PPA2: variants seen among roughly 807,000 people sequenced by gnomAD.
PPA2 encodes the protein inorganic pyrophosphatase 2, mitochondrial.
Under a neutral mutation model 49.5 loss-of-function variants are expected in PPA2, and 48 were observed. That is an observed-to-expected ratio of 0.97 (90% CI 0.77 to 1.23). PPA2 has a LOEUF of 1.23. PPA2 is among the 50% of genes most tolerant of loss of function. The probability of loss-of-function intolerance (pLI) is 0.00; values close to 1 mark genes in which losing one functional copy is unlikely to be tolerated. For synonymous variants in PPA2, 131 were observed against 139.9 expected (o/e 0.94, Z 0.45); for missense variants, 429 against 410.1 (o/e 1.05, Z -0.40).
rs569409289 is a variant in PPA2 at position 105,461,609 on chromosome 4, C to T, written c.158-4864G>A. Among the ~76,000 whole-genome samples the T allele has an allele frequency of 3.3e-5, 5 of 152,296 alleles. No individual in the cohort carries two copies. The East Asian group carries it at 9.6e-4, about 29-fold the overall frequency. On this transcript the variant is annotated intron_variant, in intron 1 of 11. Coordinates refer to ENST00000341695, the MANE Select transcript of PPA2 (RefSeq NM_176869.3). ...TCCCCATTCCAGTCGTGGCCAAGAA[C>T]TCAGTTTTCAAGGTTTCTCTAGGGT...
intron 1 of PPA2, 78 bp from the exon 2 acceptor site, chr4:105,456,823 C>A: frequency 8.2e-6 from 9 of 1,092,942 alleles, no homozygotes; most frequent in South Asian, 2.0e-5. Context: ...TAATAAACAT[C>A]CTTATCCACT....
intron 9 of PPA2, among the ~76,000 whole-genome samples, chr4:105,388,900 T>A (rs1049073124): frequency 6.6e-6 from 1 of 151,398 alleles, no homozygotes; most frequent in Admixed American, 6.6e-5. Flanking sequence ...ACAAATGAAC[T>A]TAGGAGATTC....
At chr4:105,440,251 G>A (rs996491521) in intron 5 of PPA2, among the ~76,000 whole-genome samples, 44 of 151,780 alleles carry the variant, frequency 2.9e-4, no homozygotes, top group African/African-American at 1.0e-3. Flanking sequence ...GCTTAAATAG[G>A]AAGATCTTTT....
intron 7 of PPA2, among the ~76,000 whole-genome samples, chr4:105,422,593 A>ATATATTGCTGAT (rs72016056): frequency 6.6e-6 from 1 of 151,964 alleles, no homozygotes; most frequent in Non-Finnish European, 1.5e-5. Flanking sequence ...TTGGTATAAT[A>ATATATTGCTGAT]TTATAGATGG....
intron 7 of PPA2, among the ~76,000 whole-genome samples, chr4:105,411,442 AAAT>A (rs1248347561): frequency 6.6e-6 from 1 of 152,208 alleles, no homozygotes; most frequent in Non-Finnish European, 1.5e-5. Flanking sequence ...AGAGGTCTCA[AAAT>A]AATAAGAGCT....
At chr4:105,405,914 G>A (rs1301469355) in intron 7 of PPA2, 1 of 450,166 alleles carries the variant, frequency 2.2e-6, no homozygotes, top group East Asian at 7.0e-5. Flanking sequence ...GGATGACTAT[G>A]CGATTTATTG....
intron 7 of PPA2, among the ~76,000 whole-genome samples, chr4:105,402,341 G>C (rs555365566): frequency 2.3e-4 from 35 of 152,306 alleles, no homozygotes; most frequent in African/African-American, 7.5e-4. Context: ...ATGCATATAG[G>C]CTGCTTTGCA....
rs764722908 is a variant in PPA2, at chr4:105,446,441, T to A, written c.383A>T (p.Tyr128Phe). Residue 128 changes from tyrosine (Y) to phenylalanine (F), a missense_variant, in exon 5 of 12, where the codon TAT (tyrosine) becomes TTT (phenylalanine). Physicochemically the swap from Tyr to Phe is conservative, Grantham distance 22. Coordinates refer to ENST00000341695, the MANE Select transcript of PPA2 (RefSeq NM_176869.3). ...CTTGTAAGGGAAGATATTCGCCACA[T>A]AGCGTAGCTTTCCATCCTTTACATA... ...KQYVKDGKLR[Y>F]VANIFPYKGY... 1.2e-6 allele frequency: 2 copies of A among 1,606,510 alleles called. No homozygotes were observed. The highest frequency in any genetic ancestry group is 1.7e-5 in the Admixed American group (1 of 58,694).
chr4:105,449,583 C>T (rs528450633), intron 3 of PPA2, among the ~76,000 whole-genome samples, 180 bp from the exon 4 acceptor site: 1 of 152,146 alleles, frequency 6.6e-6, no homozygotes, highest in Non-Finnish European at 1.5e-5. Context: ...TAAAACACAG[C>T]CAAATTTAGG....
At chr4:105,459,900 G>A (rs995312108) in intron 1 of PPA2, among the ~76,000 whole-genome samples, 3 of 152,208 alleles carry the variant, frequency 2.0e-5, no homozygotes, top group Non-Finnish European at 1.5e-5. Flanking sequence ...GGGGCTGATG[G>A]TAAGAGAGTA....
chr4:105,456,795 C>A, intron 1 of PPA2, 50 bp from the exon 2 acceptor site: 1 of 1,441,872 alleles, frequency 6.9e-7, no homozygotes. Context: ...GCAATAGACA[C>A]ATTGTTCTAT....
intron 1 of PPA2, among the ~76,000 whole-genome samples, chr4:105,463,498 C>G (rs1045099813): frequency 1.3e-5 from 2 of 152,192 alleles, no homozygotes; most frequent in Non-Finnish European, 2.9e-5. Flanking sequence ...AGAAGAAATT[C>G]AAGCCAGCTG....
intron 7 of PPA2, among the ~76,000 whole-genome samples, chr4:105,422,781 T>C (rs1723312253): frequency 6.6e-6 from 1 of 152,236 alleles, no homozygotes; most frequent in African/African-American, 2.4e-5. Flanking sequence ...TGTTATATGC[T>C]AGAGAGTTTA....
intron 7 of PPA2, among the ~76,000 whole-genome samples, chr4:105,412,417 T>C (rs1023661192): frequency 6.6e-6 from 1 of 152,086 alleles, no homozygotes; most frequent in Non-Finnish European, 1.5e-5. Context: ...ATTCAGGACA[T>C]AGGCATGGGC....
chr4:105,424,060 A>G, intron 7 of PPA2, 136 bp downstream of exon 7: 1 of 879,958 alleles, frequency 1.1e-6, no homozygotes, highest in Non-Finnish European at 1.7e-6. Context: ...TTTAAAATAT[A>G]ATTTGTCTAT....
At chr4:105,372,593 A>T (rs1341212079) in intron 10 of PPA2, among the ~76,000 whole-genome samples, 1 of 152,196 alleles carries the variant, frequency 6.6e-6, no homozygotes, top group Non-Finnish European at 1.5e-5. Flanking sequence ...ATAGAACAAA[A>T]AGACTAGTCT....
At chr4:105,455,801 T>C (rs1163472363) in intron 2 of PPA2, among the ~76,000 whole-genome samples, 1 of 152,214 alleles carries the variant, frequency 6.6e-6, no homozygotes, top group Non-Finnish European at 1.5e-5. Flanking sequence ...AGTTCTTCAG[T>C]GGCCTCTGCC....
intron 7 of PPA2, among the ~76,000 whole-genome samples, chr4:105,406,191 G>C (rs1287336860): frequency 1.4e-5 from 2 of 147,552 alleles, no homozygotes; most frequent in Non-Finnish European, 3.0e-5. Flanking sequence ...CGTGGATATG[G>C]CAGGAAAAAA....
At position 105,473,627 on chromosome 4, in the gene PPA2, G is replaced by T. The variant is rs1192156359; in HGVS notation, c.157+267C>A. 7.1e-6 allele frequency: 5 copies of T among 700,544 alleles called. No individual in the cohort carries two copies. In the Admixed American group the frequency reaches 8.9e-5, roughly 12 times the overall value. The allele number at this position is 700,544 out of a possible 1,614,324, so 43.4% of individuals were successfully genotyped here. A position where few individuals can be genotyped will look rare whatever the true frequency, so the allele number is the denominator to read the frequency against. On this transcript the variant is annotated intron_variant, in intron 1 of 11. Transcript: ENST00000341695. ...CCCCTCGGGGAGGGCGGCTGGCAGGGCACAGGGCGCTATCTACCCCCCAGC... is the reference window on the plus strand; with the variant it reads ...CCCCTCGGGGAGGGCGGCTGGCAGGTCACAGGGCGCTATCTACCCCCCAGC...
Sources: gnomAD v4.1 joint callset for allele counts (sites outside exome capture counted in the v4.1 genomes callset) on GRCh38, gnomAD v4.1.1 for gene constraint, MANE v1.5 for transcripts, NCBI Gene and HGNC (gene_info 2026-07-23, HGNC 2026-07-21) for gene names.